IFFO2: variants seen among roughly 807,000 people sequenced by gnomAD.
The protein encoded by IFFO2 is intermediate filament family orphan 2.
IFFO2 carries 19 observed loss-of-function variants against 53.5 expected under a neutral mutation model. That is an observed-to-expected ratio of 0.36 (90% CI 0.25 to 0.52). The LOEUF (loss-of-function observed/expected upper bound fraction) is 0.52. IFFO2 is among the 20% of genes least tolerant of loss of function. IFFO2 has a pLI of 0.94. For synonymous variants in IFFO2, 303 were observed against 313.6 expected, an observed-to-expected ratio of 0.97 and a Z score of 0.36; for missense variants, 570 against 727.4, an observed-to-expected ratio of 0.78 and a Z score of 2.49.
In IFFO2 at chr1:18,947,281, C is replaced by G. The variant is rs1936602770; in HGVS notation, c.665+8387G>C. Among the ~76,000 whole-genome samples the G allele has an allele frequency of 6.6e-6, 1 of 152,212 alleles. No individual in the cohort carries two copies. Among genetic ancestry groups the G allele is most frequent in the Admixed American group, 6.5e-5 (1 of 15,276 alleles). On this transcript the variant is annotated intron_variant, in intron 1 of 8. Coordinates refer to ENST00000455833, the MANE Select transcript of IFFO2 (RefSeq NM_001136265.2). The surrounding 1 kb of genome is among the most constrained non-coding windows in gnomAD (Gnocchi z 5.0). ...GCTCCCAAACAGCCACCAGAATGCCCGAGGCCCTCTGCTGCTGGTGATCCG... is the reference window on the plus strand; with the variant it reads ...GCTCCCAAACAGCCACCAGAATGCCGGAGGCCCTCTGCTGCTGGTGATCCG...
At chr1:18,913,124 A>G (rs1410945993) in intron 5 of IFFO2, among the ~76,000 whole-genome samples, 2 of 152,230 alleles carry the variant, frequency 1.3e-5, no homozygotes, top group Non-Finnish European at 2.9e-5. Context: ...TGGATCCTCC[A>G]GAGCAACAAT....
intron 5 of IFFO2, among the ~76,000 whole-genome samples, chr1:18,912,655 G>C (rs1277961126): frequency 6.6e-6 from 1 of 152,144 alleles, no homozygotes; most frequent in South Asian, 2.1e-4. Context: ...CACTGGACCA[G>C]CCACTAAGCA....
intron 1 of IFFO2, among the ~76,000 whole-genome samples, chr1:18,953,644 A>G (rs780054481): frequency 1.3e-5 from 2 of 152,168 alleles, no homozygotes; most frequent in African/African-American, 2.4e-5. Context: ...AAAATCCAAC[A>G]TGAGTCTTGA....
chr1:18,926,782 C>T (rs919407718), intron 1 of IFFO2, among the ~76,000 whole-genome samples: 2 of 151,904 alleles, frequency 1.3e-5, no homozygotes, highest in African/African-American at 4.8e-5. Flanking sequence ...GACCGACAAG[C>T]CTGCCCTACA....
At position 18,911,399 on chromosome 1, in the gene IFFO2, C is replaced by T; in HGVS notation, c.1302G>A (p.Thr434=). ...FKTRDKEYQE[T]IGQIELELAT... Reference sequence around the variant, plus strand: ...GAGCCCTCACCTCGATCTGACCTATCGTTTCCTGGTACTCCTTGTCTCTCG... The same window carrying T: ...GAGCCCTCACCTCGATCTGACCTATTGTTTCCTGGTACTCCTTGTCTCTCG... The change falls in exon 7 of 9, where the codon ACG becomes ACA. Residue 434 remains threonine, a synonymous_variant. Coordinates refer to ENST00000455833, the MANE Select transcript of IFFO2 (RefSeq NM_001136265.2). 1.3e-6 allele frequency: 2 copies of T among 1,519,342 alleles called. No homozygotes were observed. Among genetic ancestry groups the T allele is most frequent in the East Asian group, 2.6e-5 (1 of 38,492 alleles). 94.1% of individuals were successfully genotyped at this position (1,519,342 alleles called of 1,614,324 possible). A position where few individuals can be genotyped will look rare whatever the true frequency, so the allele number is the denominator to read the frequency against.
chr1:18,926,117 A>ATGGATGGATG (rs1936293098), intron 1 of IFFO2, among the ~76,000 whole-genome samples: 1 of 35,534 alleles, frequency 2.8e-5, no homozygotes, highest in African/African-American at 1.3e-4. Flanking sequence ...TTGGATGGAT[A>ATGGATGGATG]GATGGATGGA....
At chr1:18,922,377 G>A (rs369199995) in intron 1 of IFFO2, among the ~76,000 whole-genome samples, 3 of 152,292 alleles carry the variant, frequency 2.0e-5, no homozygotes, top group East Asian at 3.9e-4. Flanking sequence ...CTCGGAGCAG[G>A]GCAGTCTGGA....
intron 1 of IFFO2, among the ~76,000 whole-genome samples, chr1:18,933,377 C>T (rs1936404491): frequency 6.6e-6 from 1 of 152,390 alleles, no homozygotes; most frequent in East Asian, 1.9e-4. Context: ...GGAAACCAAG[C>T]ATCCACCATC....
intron 1 of IFFO2, among the ~76,000 whole-genome samples, chr1:18,923,713 C>T (rs759696289): frequency 1.1e-4 from 17 of 152,170 alleles, no homozygotes; most frequent in Non-Finnish European, 1.9e-4. Context: ...TCTAAAGCAG[C>T]GTGTCTCAGC....
Position 18,908,680 on chromosome 1 carries a change from G to C in IFFO2, c.1449-14C>G, listed in dbSNP as rs1394937979. 13 of 1,540,638 alleles carry C rather than the reference G, an allele frequency of 8.4e-6. No individual in the cohort carries two copies. The highest frequency in any genetic ancestry group is 1.1e-5 in the Non-Finnish European group (13 of 1,137,056). On this transcript the variant is annotated splice_polypyrimidine_tract_variant and intron_variant, in intron 8 of 8. Coordinates refer to ENST00000455833, the MANE Select transcript of IFFO2 (RefSeq NM_001136265.2). ...GACGGTGAATTCCTGAGAAGCACAA[G>C]AGAGTGGGGAAATTCAGAGAGCAGC...
chr1:18,955,850 G>A lies in IFFO2; in HGVS notation c.483C>T (p.Ile161=). 1 of 1,497,508 alleles carries A rather than the reference G, an allele frequency of 6.7e-7. No individual in the cohort carries two copies. Among genetic ancestry groups the A allele is most frequent in the South Asian group, 1.3e-5 (1 of 79,962 alleles). The allele number at this position is 1,497,508 out of a possible 1,614,324, so 92.8% of individuals were successfully genotyped here. A position where few individuals can be genotyped will look rare whatever the true frequency, so the allele number is the denominator to read the frequency against. Residue 161 remains isoleucine (I), a synonymous_variant, in exon 1 of 9, where the codon ATC becomes ATT. Transcript: ENST00000455833. ...TGCGCCGCACCTGCGTGTAGCTCCA[G>A]ATGGTCCCGGGCAGGCGGCCGTAGT... is the stretch of plus-strand genomic sequence containing the variant. ...PQHYGRLPGT[I]WSYTQVRRTG...
intron 8 of IFFO2, among the ~76,000 whole-genome samples, chr1:18,909,302 A>G (rs1557636785): frequency 6.6e-6 from 1 of 152,170 alleles, no homozygotes; most frequent in Non-Finnish European, 1.5e-5. Flanking sequence ...TGTGGCAGGC[A>G]TTCTCCTCAT....
intron 1 of IFFO2, among the ~76,000 whole-genome samples, chr1:18,938,777 G>T (rs973740172): frequency 2.4e-4 from 10 of 41,976 alleles, no homozygotes; most frequent in Non-Finnish European, 4.1e-4. Context: ...CTCCCAACTG[G>T]CCTGGCCCCC....
At chr1:18,925,486 G>A (rs568951076) in intron 1 of IFFO2, among the ~76,000 whole-genome samples, 5 of 152,256 alleles carry the variant, frequency 3.3e-5, no homozygotes, top group Middle Eastern at 3.4e-3. Flanking sequence ...TGTGGTCACC[G>A]CCACTTCCAC....
intron 1 of IFFO2, among the ~76,000 whole-genome samples, chr1:18,929,363 A>G (rs188388181): frequency 1.9e-4 from 29 of 152,210 alleles, no homozygotes; most frequent in African/African-American, 6.5e-4. Context: ...GGGAGGGGCA[A>G]ATGGGTGGGT....
At position 18,923,455 on chromosome 1, in the gene IFFO2, G is replaced by A. The variant is rs575511275; in HGVS notation, c.666-2334C>T. On this transcript the variant is annotated intron_variant, in intron 1 of 8. Coordinates refer to ENST00000455833, the MANE Select transcript of IFFO2 (RefSeq NM_001136265.2). ...AGGAGCCCAGATCTTTGGCTTTCCAGACACAATAACAGCAACAGCACCAGC... is the reference window on the plus strand; with the variant it reads ...AGGAGCCCAGATCTTTGGCTTTCCAAACACAATAACAGCAACAGCACCAGC... Among the ~76,000 whole-genome samples the A allele has an allele frequency of 8.5e-5, 13 of 152,326 alleles. No individual in the cohort carries two copies. The South Asian group carries it at 2.7e-3, about 32-fold the overall frequency.
Position 18,916,816 on chromosome 1 carries a change from G to A in IFFO2, c.1103+87C>T, listed in dbSNP as rs1569836955. 7.0e-7 allele frequency: 1 copy of A among 1,430,216 alleles called. No individual in the cohort carries two copies. The highest frequency in any genetic ancestry group is 2.5e-5 in the East Asian group (1 of 39,980). 88.6% of individuals were successfully genotyped at this position (1,430,216 alleles called of 1,614,324 possible). ...AATTCAAATTCTTCCAGTGCTGCAG[G>A]CTACTCTCAGCCCAAGCCTCCCATT... On this transcript the variant is annotated intron_variant, in intron 5 of 8. Transcript: ENST00000455833. This position sits in a 1 kb window ranked among gnomAD's most constrained non-coding sequence, Gnocchi z 4.3.
intron 5 of IFFO2, among the ~76,000 whole-genome samples, chr1:18,915,107 G>A (rs1936112079): frequency 6.6e-6 from 1 of 152,166 alleles, no homozygotes; most frequent in South Asian, 2.1e-4. Context: ...TTCTCTTCCA[G>A]GCATGGCGTG....
intron 1 of IFFO2, among the ~76,000 whole-genome samples, chr1:18,946,083 G>C (rs1412288380): frequency 6.6e-6 from 1 of 152,206 alleles, no homozygotes; most frequent in African/African-American, 2.4e-5. Flanking sequence ...AGAGGACAAG[G>C]CATTGCATGG....
Sources: gnomAD v4.1 joint callset for allele counts (sites outside exome capture counted in the v4.1 genomes callset) on GRCh38, gnomAD v4.1.1 for gene constraint, Gnocchi (gnomAD v3.1) non-coding constraint, MANE v1.5 for transcripts, NCBI Gene and HGNC (gene_info 2026-07-23, HGNC 2026-07-21) for gene names.